The following ATP12A variants were observed in gnomAD, a reference collection of about 807,000 sequenced individuals.
ATP12A encodes potassium-transporting ATPase alpha chain 2.
Under a neutral mutation model 111.2 loss-of-function variants are expected in ATP12A, and 81 were observed. The observed-to-expected ratio is 0.73, with a 90% CI of 0.61 to 0.88. ATP12A has a LOEUF of 0.88. ATP12A is among the 40% of genes least tolerant of loss of function. ATP12A has a pLI of 0.00. For missense variants in ATP12A, 1,196 were observed against 1,313.1 expected, an observed-to-expected ratio of 0.91 and a Z score of 1.38; for synonymous variants, 498 against 499.8, an observed-to-expected ratio of 1.00 and a Z score of 0.05.
chr13:24,694,958 G>T (rs1318929250), intron 11 of ATP12A, among the ~76,000 whole-genome samples: 1 of 152,146 alleles, frequency 6.6e-6, no homozygotes, highest in African/African-American at 2.4e-5. Context: ...AATGCCAGGT[G>T]GGCAGCAGGG....
At position 24,711,378 on chromosome 13, in the gene ATP12A, G is replaced by A; in HGVS notation, c.3060G>A (p.Val1020=). ...HAILIWVYDE[V]RKLFIRLYPG... ...TCCTGATCTGGGTGTATGATGAGGTGCGGAAGCTCTTCATCAGGCTCTACC... is the reference window on the plus strand; with the variant it reads ...TCCTGATCTGGGTGTATGATGAGGTACGGAAGCTCTTCATCAGGCTCTACC... The change falls in exon 22 of 23, where the codon GTG becomes GTA. Residue 1020 remains valine, a synonymous_variant. Transcript: ENST00000381946. 1 of 1,612,298 alleles carries A rather than the reference G, an allele frequency of 6.2e-7. No individual in the cohort carries two copies. The highest frequency in any genetic ancestry group is 8.5e-7 in the Non-Finnish European group (1 of 1,179,210).
chr13:24,697,963 T>A (rs1248094962), intron 11 of ATP12A, among the ~76,000 whole-genome samples: 3 of 152,198 alleles, frequency 2.0e-5, no homozygotes, highest in Non-Finnish European at 4.4e-5. Context: ...CTGAGATTCC[T>A]CTTGAGTGCT....
Position 24,688,459 on chromosome 13 carries a change from C to T in ATP12A, c.369C>T (p.Ala123=). ...TCTCTATCCTCCTGTGGGTGGGCGC[C>T]TTTCTCTGTTGGATTGCATATGGGA... ...GGFSILLWVG[A]FLCWIAYGIQ... is the part of the protein sequence containing the mutation. The change falls in exon 4 of 23, where the codon GCC becomes GCT. Residue 123 remains alanine (A), a synonymous_variant. Transcript: ENST00000381946. 6.2e-7 allele frequency: 1 copy of T among 1,613,836 alleles called. No individual in the cohort carries two copies. The highest frequency in any genetic ancestry group is 8.5e-7 in the Non-Finnish European group (1 of 1,179,920).
At chr13:24,684,154 G>C (rs950426544) in intron 2 of ATP12A, among the ~76,000 whole-genome samples, 1 of 151,704 alleles carries the variant, frequency 6.6e-6, no homozygotes, top group African/African-American at 2.4e-5. Flanking sequence ...TCCACTACTT[G>C]TATCTGCCCA....
chr13:24,705,475 T>C (rs1425804242), intron 14 of ATP12A, among the ~76,000 whole-genome samples: 1 of 152,216 alleles, frequency 6.6e-6, no homozygotes, highest in Admixed American at 6.5e-5. Context: ...CAATAGGCCC[T>C]AGAACCTTAC....
chr13:24,699,872 T>C (rs955845799), intron 12 of ATP12A, among the ~76,000 whole-genome samples: 1 of 152,204 alleles, frequency 6.6e-6, no homozygotes, highest in Non-Finnish European at 1.5e-5. Flanking sequence ...CCAATACAGA[T>C]GCAGTCTGTG....
intron 14 of ATP12A, among the ~76,000 whole-genome samples, chr13:24,705,233 C>T (rs1489167482): frequency 6.6e-6 from 1 of 152,148 alleles, no homozygotes; most frequent in Non-Finnish European, 1.5e-5. Context: ...GATGCCCATT[C>T]CTGGTCAGGG....
At chr13:24,704,559 A>C (rs1875535396) in intron 14 of ATP12A, 1 of 157,510 alleles carries the variant, frequency 6.3e-6, no homozygotes. Context: ...ATAAACCTGG[A>C]CTGCTTTGCC....
intron 17 of ATP12A, 92 bp downstream of exon 17, chr13:24,707,525 C>G: frequency 2.7e-6 from 4 of 1,496,786 alleles, no homozygotes; most frequent in Non-Finnish European, 3.6e-6. Flanking sequence ...GATGGACTAA[C>G]TCAAGGCTTC....
chr13:24,691,319 C>G, intron 8 of ATP12A, 69 bp downstream of exon 8: 1 of 1,511,738 alleles, frequency 6.6e-7, no homozygotes, highest in Non-Finnish European at 8.8e-7. Context: ...GGGAGGCGCC[C>G]ACACAAACTG....
At position 24,688,535 on chromosome 13, in the gene ATP12A, G is replaced by A. The variant is rs753967715; in HGVS notation, c.432+13G>A. 1 of 1,518,804 alleles carries A rather than the reference G, an allele frequency of 6.6e-7. No individual in the cohort carries two copies. Among genetic ancestry groups the A allele is most frequent in the East Asian group, 2.4e-5 (1 of 42,390 alleles). The allele number at this position is 1,518,804 out of a possible 1,614,324, so 94.1% of individuals were successfully genotyped here. On this transcript the variant is annotated intron_variant, in intron 4 of 22. Coordinates refer to ENST00000381946, the MANE Select transcript of ATP12A (RefSeq NM_001676.7). Reference sequence around the variant, plus strand: ...ATCCCTGAACAACGTAAGGCTCTGGGGTGTCCCCTCCTGGTTTTGCTGGCA... The same window carrying A: ...ATCCCTGAACAACGTAAGGCTCTGGAGTGTCCCCTCCTGGTTTTGCTGGCA...
At chr13:24,693,425 T>C (rs2137700725) in intron 10 of ATP12A, among the ~76,000 whole-genome samples, 1 of 152,222 alleles carries the variant, frequency 6.6e-6, no homozygotes, top group African/African-American at 2.4e-5. Flanking sequence ...CTATTTGCCA[T>C]CTGTTTCCTT....
chr13:24,705,611 G>C (rs1042210174), intron 14 of ATP12A, among the ~76,000 whole-genome samples: 2 of 152,284 alleles, frequency 1.3e-5, no homozygotes, highest in East Asian at 3.9e-4. Flanking sequence ...ATTACCCCTT[G>C]TTTGGCCATA....
At chr13:24,686,911 G>T (rs1050679894) in intron 3 of ATP12A, among the ~76,000 whole-genome samples, 1 of 152,052 alleles carries the variant, frequency 6.6e-6, no homozygotes, top group African/African-American at 2.4e-5. Context: ...TGGGGTGGGG[G>T]CAGGGAGGTG....
intron 2 of ATP12A, 98 bp downstream of exon 2, chr13:24,681,818 G>A (rs1020509312): frequency 2.7e-6 from 4 of 1,477,920 alleles, no homozygotes; most frequent in African/African-American, 2.8e-5. Context: ...TTCAGTCTGA[G>A]GGATTTGAAA....
intron 2 of ATP12A, among the ~76,000 whole-genome samples, chr13:24,684,922 T>G (rs1171447639): frequency 2.6e-5 from 4 of 152,218 alleles, no homozygotes; most frequent in African/African-American, 9.6e-5. Flanking sequence ...AGTGTGGTTT[T>G]GCCATCAGCC....
chr13:24,701,821 A>G, intron 13 of ATP12A, 114 bp from the exon 14 acceptor site: 4 of 1,382,804 alleles, frequency 2.9e-6, no homozygotes, highest in Non-Finnish European at 4.0e-6. Context: ...CTGCCACTGT[A>G]ATCACCAACC....
At chr13:24,708,942 A>AAAGAAAGAAAGGAAGGAAGG (rs1555255690) in intron 17 of ATP12A, among the ~76,000 whole-genome samples, 24 of 107,860 alleles carry the variant, frequency 2.2e-4, no homozygotes, top group South Asian at 5.0e-4. Context: ...AGAAAGAAAG[A>AAAGAAAGAAAGGAAGGAAGG]AAGAAAGAAA....
chr13:24,680,631 C>T lies in ATP12A; in HGVS notation c.-113C>T, dbSNP rs953749919. ...CCGCCGCCGGTATCTCCACCGCCAA[C>T]ACCTCAGCCACTGCCACTGCCACAG... On this transcript the variant is annotated 5_prime_UTR_variant, in exon 1 of 23. Transcript: ENST00000381946. 16 of 1,299,320 alleles carry T rather than the reference C, an allele frequency of 1.2e-5. No individual in the cohort carries two copies. Among genetic ancestry groups the T allele is most frequent in the Non-Finnish European group, 1.7e-5 (16 of 959,122 alleles). The allele number at this position is 1,299,320 out of a possible 1,614,324, so 80.5% of individuals were successfully genotyped here.
Sources: gnomAD v4.1 joint callset for allele counts (sites outside exome capture counted in the v4.1 genomes callset) on GRCh38, gnomAD v4.1.1 for gene constraint, MANE v1.5 for transcripts, NCBI Gene and HGNC (gene_info 2026-07-23, HGNC 2026-07-21) for gene names.